The following FRMD3 variants were observed in gnomAD, a reference collection of about 807,000 sequenced individuals.
FRMD3 encodes the protein FERM domain-containing protein 3.
A neutral mutation model predicts 70.2 loss-of-function variants in FRMD3; 33 were observed. The observed-to-expected ratio is 0.47, with a 90% CI of 0.36 to 0.63. FRMD3 has a LOEUF of 0.63. FRMD3 is among the 20% of genes least tolerant of loss of function. FRMD3 has a pLI of 0.00. For missense variants in FRMD3, 632 were observed against 711.4 expected (o/e 0.89, Z 1.27); for synonymous variants, 279 against 255.9 (o/e 1.09, Z -0.86).
the FRMD3 span, among the ~76,000 whole-genome samples, chr9:83,556,571 G>A: frequency 6.6e-6 from 1 of 151,972 alleles, no homozygotes; most frequent in Non-Finnish European, 1.5e-5. Context: ...TTTCATTCTG[G>A]ATATTATTTG....
At chr9:83,548,034 G>A in the FRMD3 span, among the ~76,000 whole-genome samples, 1 of 152,174 alleles carries the variant, frequency 6.6e-6, no homozygotes, top group Non-Finnish European at 1.5e-5. Flanking sequence ...TGATACACCA[G>A]TTAGATGGAT....
In FRMD3 at chr9:83,357,252, T is replaced by TAAC. The variant is rs1256432155; in HGVS notation, c.296-7496_296-7495insGTT. 1.6e-3 allele frequency among the ~76,000 whole-genome samples: 31 copies of TAAC among 19,500 alleles called. 9 individuals carry two copies. The highest frequency in any genetic ancestry group is 0.013 in the African/African-American group (31 of 2,358). 12.8% of individuals were successfully genotyped at this position (19,500 alleles called of 152,430 possible). A position where few individuals can be genotyped will look rare whatever the true frequency, so the allele number is the denominator to read the frequency against. ...TATATATATATAATACATACATATA[T>TAAC]ATATATATATATATATATATATATA... On this transcript the variant is annotated intron_variant, in intron 3 of 13. Coordinates refer to ENST00000304195, the MANE Select transcript of FRMD3 (RefSeq NM_174938.6).
chr9:83,452,426 G>A (rs1827686918), intron 1 of FRMD3, among the ~76,000 whole-genome samples: 1 of 152,124 alleles, frequency 6.6e-6, no homozygotes, highest in Non-Finnish European at 1.5e-5. Context: ...CCTGGTTTAT[G>A]TTCAGTAATT....
chr9:83,369,576 CAAAA>C lies in FRMD3; in HGVS notation c.295+3333_295+3336del, dbSNP rs1314843322. On this transcript the variant is annotated intron_variant, in intron 3 of 13. Transcript: ENST00000304195. Reference sequence around the variant, plus strand: ...TGGATGACAGAGTGAGACTCTGTCTCAAAATAAATAAATAAATAAATAAATAAAT... The same window carrying C: ...TGGATGACAGAGTGAGACTCTGTCTCTAAATAAATAAATAAATAAATAAAT... 8.0e-5 allele frequency among the ~76,000 whole-genome samples: 8 copies of C among 99,782 alleles called. No individual in the cohort carries two copies. In the South Asian group the frequency reaches 1.3e-3, roughly 16 times the overall value. The allele number at this position is 99,782 out of a possible 152,430, so 65.5% of individuals were successfully genotyped here.
rs767058585 is a variant in FRMD3, at chr9:83,299,153, T to C, written c.960A>G (p.Ser320=). The C allele has an allele frequency of 2.1e-5, 34 of 1,613,146 alleles. No homozygotes were observed. Among genetic ancestry groups the C allele is most frequent in the Non-Finnish European group, 3.4e-6 (4 of 1,179,408 alleles). The change falls in exon 11 of 14, where the codon TCA becomes TCG. Residue 320 remains serine, a synonymous_variant. Coordinates refer to ENST00000304195, the MANE Select transcript of FRMD3 (RefSeq NM_174938.6). ...TTCCTTTAAAAAATATCTTGCTGCTTGATACAGTCTTGATCTGACTGGATT... is the reference window on the plus strand; with the variant it reads ...TTCCTTTAAAAAATATCTTGCTGCTCGATACAGTCTTGATCTGACTGGATT... ...YAKSSQIKTV[S]SSKIFFKGSR...
At chr9:83,368,206 C>G (rs988537255) in intron 3 of FRMD3, among the ~76,000 whole-genome samples, 4 of 152,144 alleles carry the variant, frequency 2.6e-5, no homozygotes, top group African/African-American at 9.7e-5. Flanking sequence ...GTGATGAAAA[C>G]CAGGACACTG....
chr9:83,353,588 G>T (rs972052148), intron 3 of FRMD3, among the ~76,000 whole-genome samples: 4 of 152,208 alleles, frequency 2.6e-5, no homozygotes, highest in African/African-American at 9.6e-5. Context: ...AGGCTCTGAG[G>T]CAGATGTCTA....
Position 83,248,325 on chromosome 9 carries a change from T to A in FRMD3, c.1387A>T (p.Ile463Phe). 1 of 1,614,182 alleles carries A rather than the reference T, an allele frequency of 6.2e-7. No homozygotes were observed. The highest frequency in any genetic ancestry group is 1.3e-5 in the African/African-American group (1 of 75,032). ...LLPTPVDDDEIDMLFDCPSRL... is the reference protein window; with the variant it reads ...LLPTPVDDDEFDMLFDCPSRL... ...GAAGGACAGTCAAAGAGCATGTCAA[T>A]CTCATCGTCATCCACAGGGGTGGGG... The change falls in exon 14 of 14, where the codon ATT (isoleucine) becomes TTT (phenylalanine). Residue 463 changes from isoleucine (I) to phenylalanine (F), a missense_variant. Coordinates refer to ENST00000304195, the MANE Select transcript of FRMD3 (RefSeq NM_174938.6).
At chr9:83,357,151 T>C (rs1448919476) in intron 3 of FRMD3, among the ~76,000 whole-genome samples, 1 of 142,872 alleles carries the variant, frequency 7.0e-6, no homozygotes, top group East Asian at 2.0e-4. Context: ...TATGTATATA[T>C]ATAACATACA....
chr9:83,366,223 C>T (rs534639861), intron 3 of FRMD3, among the ~76,000 whole-genome samples: 3 of 152,166 alleles, frequency 2.0e-5, no homozygotes, highest in South Asian at 4.2e-4. Flanking sequence ...CAAGCAATTA[C>T]ATTTAAATTA....
At chr9:83,380,179 C>T (rs1825312088) in intron 2 of FRMD3, among the ~76,000 whole-genome samples, 1 of 152,198 alleles carries the variant, frequency 6.6e-6, no homozygotes, top group African/African-American at 2.4e-5. Context: ...ACCTGCAAAG[C>T]CCCTGTGAAA....
chr9:83,270,444 C>A (rs1178353772), intron 13 of FRMD3, among the ~76,000 whole-genome samples: 15 of 152,192 alleles, frequency 9.9e-5, no homozygotes, highest in Admixed American at 9.8e-4. Context: ...CTAGAAGTTA[C>A]TGGACATCTG....
intron 1 of FRMD3, among the ~76,000 whole-genome samples, chr9:83,486,387 T>C (rs1828690785): frequency 6.6e-6 from 1 of 152,152 alleles, no homozygotes; most frequent in Non-Finnish European, 1.5e-5. Flanking sequence ...CAAGATGTAC[T>C]TTCCCAGAGA....
intron 10 of FRMD3, among the ~76,000 whole-genome samples, chr9:83,308,123 T>C (rs1244512526): frequency 2.6e-5 from 4 of 152,166 alleles, no homozygotes; most frequent in Admixed American, 2.6e-4. Flanking sequence ...CAAATTATGC[T>C]CCTGGGTTTT....
chr9:83,303,352 T>C (rs916268855), intron 10 of FRMD3, among the ~76,000 whole-genome samples: 2 of 152,222 alleles, frequency 1.3e-5, no homozygotes, highest in Non-Finnish European at 2.9e-5. Flanking sequence ...CATGGTTCCA[T>C]GATAGAAGCT....
intron 2 of FRMD3, among the ~76,000 whole-genome samples, chr9:83,384,979 T>C (rs573748756): frequency 6.6e-6 from 1 of 151,986 alleles, no homozygotes; most frequent in Admixed American, 6.6e-5. Context: ...CTCTAAGGCA[T>C]GGGGTGAGGG....
chr9:83,286,822 C>A (rs574056198), intron 13 of FRMD3, among the ~76,000 whole-genome samples: 84 of 152,284 alleles, frequency 5.5e-4, no homozygotes, highest in African/African-American at 1.9e-3. Flanking sequence ...TGAGAAGCAA[C>A]AGTATTATGT....
the FRMD3 span, among the ~76,000 whole-genome samples, chr9:83,545,589 C>T: frequency 6.6e-6 from 1 of 151,818 alleles, no homozygotes; most frequent in African/African-American, 2.4e-5. Flanking sequence ...GATCTCCTGA[C>T]CTCGTGATCT....
At chr9:83,262,760 T>C (rs1833046207) in intron 13 of FRMD3, among the ~76,000 whole-genome samples, 1 of 152,168 alleles carries the variant, frequency 6.6e-6, no homozygotes, top group South Asian at 2.1e-4. Flanking sequence ...AGATAGCTCT[T>C]ACTCATCCTC....
Sources: gnomAD v4.1 joint callset for allele counts (sites outside exome capture counted in the v4.1 genomes callset) on GRCh38, gnomAD v4.1.1 for gene constraint, MANE v1.5 for transcripts, NCBI Gene and HGNC (gene_info 2026-07-23, HGNC 2026-07-21) for gene names.